Variants in HS1BP3 observed in about 807,000 individuals in gnomAD.
The protein encoded by HS1BP3 is HCLS1-binding protein 3.
A neutral mutation model predicts 33.5 loss-of-function variants in HS1BP3; 32 were observed. The observed-to-expected ratio is 0.95, with a 90% CI of 0.72 to 1.28. The LOEUF (loss-of-function observed/expected upper bound fraction) is 1.28. Ranked by LOEUF, HS1BP3 falls within the 50% of genes most tolerant of loss-of-function variation. The pLI, the probability that HS1BP3 is intolerant of heterozygous loss-of-function variation, is 0.00. For synonymous variants in HS1BP3, 187 were observed against 209.2 expected (o/e 0.89, Z 0.92); for missense variants, 486 against 502.3 (o/e 0.97, Z 0.31).
At position 20,623,967 on chromosome 2, in the gene HS1BP3, C is replaced by A. The variant is rs1426457482; in HGVS notation, c.849G>T (p.Leu283=). The change falls in exon 6 of 7, where the codon CTG becomes CTT. Residue 283 remains leucine (L), a synonymous_variant. Coordinates refer to ENST00000304031, the MANE Select transcript of HS1BP3 (RefSeq NM_022460.4). ...GCCCTCCACTCTCACAGGCGGCTGG[C>A]AGCAGGAGGGAGTCACCCAGGGGGA... is the stretch of plus-strand genomic sequence containing the variant. ...GAIPLGDSLL[L]PAACESGGPT... is the part of the protein sequence containing the mutation. 6.2e-7 allele frequency: 1 copy of A among 1,612,444 alleles called. No individual in the cohort carries two copies. The highest frequency in any genetic ancestry group is 1.7e-5 in the Admixed American group (1 of 60,006).
chr2:20,626,469 TG>T (rs1694788080), intron 4 of HS1BP3, among the ~76,000 whole-genome samples: 1 of 152,208 alleles, frequency 6.6e-6, no homozygotes, highest in Non-Finnish European at 1.5e-5. Context: ...ACAGGCAGGC[TG>T]GGTCTAGATT....
intron 5 of HS1BP3, among the ~76,000 whole-genome samples, chr2:20,569,641 C>T (rs1693217772): frequency 6.6e-6 from 1 of 152,226 alleles, no homozygotes; most frequent in Admixed American, 6.5e-5. Flanking sequence ...CACAGCCATG[C>T]CTCTCTCGGT....
intron 6 of HS1BP3, among the ~76,000 whole-genome samples, chr2:20,619,964 T>C (rs747399106): frequency 1.3e-5 from 2 of 152,240 alleles, no homozygotes; most frequent in Non-Finnish European, 2.9e-5. Flanking sequence ...ACCAAGACTC[T>C]GTCATGACCC....
chr2:20,623,540 A>G (rs754170483), intron 6 of HS1BP3: 6 of 166,774 alleles, frequency 3.6e-5, no homozygotes, highest in Non-Finnish European at 7.7e-5. Flanking sequence ...TGCTGCCATG[A>G]GTCCGTTTAA....
At chr2:20,579,554 A>T (rs1393122602) in intron 5 of HS1BP3, among the ~76,000 whole-genome samples, 2 of 152,192 alleles carry the variant, frequency 1.3e-5, no homozygotes, top group East Asian at 3.9e-4. Context: ...TTGCCTTGGA[A>T]GCCCCCCGGC....
At chr2:20,640,880 G>A (rs1695318391) in intron 3 of HS1BP3, 93 bp downstream of exon 3, 2 of 1,258,460 alleles carry the variant, frequency 1.6e-6, no homozygotes, top group South Asian at 2.5e-5. Flanking sequence ...AGGCTGCAGA[G>A]GCAGCTGTGG....
intron 1 of HS1BP3, 71 bp from the exon 2 acceptor site, chr2:20,645,576 G>GA: frequency 6.8e-7 from 1 of 1,478,752 alleles, no homozygotes; most frequent in Non-Finnish European, 9.1e-7. Flanking sequence ...AGTGCAGGCA[G>GA]GGCCTCTGGG....
At chr2:20,590,297 A>G, downstream of HS1BP3, among the ~76,000 whole-genome samples, 1 of 151,862 alleles carries the variant, frequency 6.6e-6, no homozygotes, top group South Asian at 2.1e-4. Context: ...TGTGAGCTCC[A>G]CCTCTACCCA....
rs1693271630 is a variant in HS1BP3, at chr2:20,571,449, C to T, written c.303-10934G>A. Among the ~76,000 whole-genome samples, 3 of 152,232 alleles carry T rather than the reference C, an allele frequency of 2.0e-5. No homozygotes were observed. In the South Asian group the frequency reaches 6.2e-4, roughly 31 times the overall value. On this transcript the variant is annotated intron_variant, in intron 5 of 5. Transcript: ENST00000446825. Reference sequence around the variant, plus strand: ...GTTCCCTCTCTTCCTGCCGAACACTCCCCACATTGTTCGACTTTGTGTCCT... The same window carrying T: ...GTTCCCTCTCTTCCTGCCGAACACTTCCCACATTGTTCGACTTTGTGTCCT...
intron 5 of HS1BP3, among the ~76,000 whole-genome samples, chr2:20,576,893 G>C (rs990731126): frequency 1.3e-5 from 2 of 152,208 alleles, no homozygotes; most frequent in African/African-American, 4.8e-5. Context: ...AGAATTGAAG[G>C]ACACCTAGTC....
At chr2:20,647,388 C>A (rs972026908) in intron 1 of HS1BP3, among the ~76,000 whole-genome samples, 3 of 152,212 alleles carry the variant, frequency 2.0e-5, no homozygotes, top group Non-Finnish European at 4.4e-5. Flanking sequence ...CTCAACGTGA[C>A]TGGGGACAGA....
downstream of HS1BP3, among the ~76,000 whole-genome samples, chr2:20,613,091 T>A (rs1694347646): frequency 6.6e-6 from 1 of 152,208 alleles, no homozygotes; most frequent in Non-Finnish European, 1.5e-5. Context: ...CAGCTTCTGA[T>A]GTCTGAGAAA....
intron 5 of HS1BP3, among the ~76,000 whole-genome samples, chr2:20,569,120 G>A (rs961727197): frequency 2.0e-5 from 3 of 152,126 alleles, no homozygotes; most frequent in Non-Finnish European, 4.4e-5. Context: ...CCTGGGCCTT[G>A]TTCCCGGGTA....
At position 20,619,011 on chromosome 2, in the gene HS1BP3, G is replaced by C; in HGVS notation, c.1155C>G (p.Ala385=). ...LQYIQDHDTP[A]QAAPSLF The stretch of plus-strand genomic sequence containing the variant: ...GTCAGAAGAGGCTGGGGGCGGCCTG[G>C]GCTGGTGTATCGTGGTCCTGGATGT... Residue 385 remains alanine (A), a synonymous_variant, in exon 7 of 7, where the codon GCC becomes GCG. Coordinates refer to ENST00000304031, the MANE Select transcript of HS1BP3 (RefSeq NM_022460.4). The C allele has an allele frequency of 6.2e-7, 1 of 1,614,074 alleles. No individual in the cohort carries two copies. The highest frequency in any genetic ancestry group is 1.1e-5 in the South Asian group (1 of 91,082).
At chr2:20,597,759 T>C (rs758569805) in intron 3 of HS1BP3, among the ~76,000 whole-genome samples, 1 of 152,232 alleles carries the variant, frequency 6.6e-6, no homozygotes, top group African/African-American at 2.4e-5. Context: ...TAGTTTGCAC[T>C]GAGATCATAG....
chr2:20,631,157 C>A, intron 4 of HS1BP3, among the ~76,000 whole-genome samples: 1 of 152,130 alleles, frequency 6.6e-6, no homozygotes, highest in East Asian at 1.9e-4. Flanking sequence ...TGGGAGCTGC[C>A]TGGTGATGTC....
chr2:20,563,618 T>C (rs1263470497), intron 5 of HS1BP3, among the ~76,000 whole-genome samples: 1 of 152,152 alleles, frequency 6.6e-6, no homozygotes, highest in Admixed American at 6.5e-5. Context: ...AGACGAGGAA[T>C]GGTCCCCGAG....
intron 1 of HS1BP3, among the ~76,000 whole-genome samples, chr2:20,648,933 C>T (rs1230612247): frequency 6.6e-6 from 1 of 152,228 alleles, no homozygotes; most frequent in Non-Finnish European, 1.5e-5. Context: ...ACCCCATATC[C>T]AAGCATCAGC....
intron 5 of HS1BP3, among the ~76,000 whole-genome samples, chr2:20,573,425 A>C (rs1693322688): frequency 6.6e-6 from 1 of 152,124 alleles, no homozygotes; most frequent in Non-Finnish European, 1.5e-5. Context: ...TCTCTTTGTT[A>C]CTTGTTCTTC....
Sources: allele counts gnomAD v4.1 joint callset (sites outside exome capture counted in the v4.1 genomes callset), GRCh38; gene constraint gnomAD v4.1.1; transcripts MANE v1.5; gene names NCBI Gene and HGNC (gene_info 2026-07-23, HGNC 2026-07-21).